The following KCNB2 variants were observed in gnomAD, a reference collection of about 807,000 sequenced individuals.
KCNB2 encodes potassium voltage-gated channel subfamily B member 2.
In KCNB2, 15 loss-of-function variants were observed where a neutral mutation model predicts 61.5. The ratio of observed to expected loss-of-function variants is 0.24; its 90% CI spans 0.16 to 0.38. The LOEUF is 0.38. Among genes scored for constraint, KCNB2 ranks in the 10% least tolerant of loss-of-function variants. The pLI, the probability that KCNB2 is intolerant of heterozygous loss-of-function variation, is 1.00. For missense variants in KCNB2, 828 were observed against 1,125.2 expected, an observed-to-expected ratio of 0.74 and a Z score of 3.78; for synonymous variants, 457 against 446.0, an observed-to-expected ratio of 1.02 and a Z score of -0.31.
intron 2 of KCNB2, among the ~76,000 whole-genome samples, chr8:72,771,042 C>G (rs1041067702): frequency 1.3e-5 from 2 of 152,184 alleles, no homozygotes; most frequent in Admixed American, 1.3e-4. Context: ...AAAAAGCTCC[C>G]AGCTATTGGC....
At chr8:72,619,452 AATCTCTAATTCG>A in intron 2 of KCNB2, 1 of 300,206 alleles carries the variant, frequency 3.3e-6, no homozygotes, top group Non-Finnish European at 6.6e-6. Flanking sequence ...GGTGGTGTAA[AATCTCTAATTCG>A]TAGGTTCACC....
chr8:72,702,167 A>G (rs1807142101), intron 2 of KCNB2, among the ~76,000 whole-genome samples: 1 of 152,214 alleles, frequency 6.6e-6, no homozygotes, highest in African/African-American at 2.4e-5. Flanking sequence ...ATCTTCTCAG[A>G]GGATGCACAT....
intron 2 of KCNB2, among the ~76,000 whole-genome samples, chr8:72,926,023 C>T (rs982086274): frequency 2.6e-5 from 4 of 152,148 alleles, no homozygotes; most frequent in African/African-American, 7.2e-5. Flanking sequence ...CATGTTCTTA[C>T]TTATGAGTAG....
intron 2 of KCNB2, among the ~76,000 whole-genome samples, chr8:72,669,540 C>T (rs911103263): frequency 1.3e-5 from 2 of 152,142 alleles, no homozygotes; most frequent in African/African-American, 4.8e-5. Context: ...ACAGAAACTT[C>T]TCTCAGTTTT....
chr8:72,620,596 GTATTT>G (rs1243396371), intron 2 of KCNB2, among the ~76,000 whole-genome samples: 2 of 152,024 alleles, frequency 1.3e-5, no homozygotes, highest in South Asian at 2.1e-4. Flanking sequence ...TTCCAGTACT[GTATTT>G]TATTTTATTT....
intron 2 of KCNB2, among the ~76,000 whole-genome samples, chr8:72,882,125 C>T (rs879899348): frequency 1.3e-5 from 2 of 152,062 alleles, no homozygotes; most frequent in Non-Finnish European, 2.9e-5. Context: ...GTTATTTAGA[C>T]CCTCAGGGCA....
chr8:72,796,307 G>T (rs1487954589), intron 2 of KCNB2, among the ~76,000 whole-genome samples: 2 of 151,936 alleles, frequency 1.3e-5, no homozygotes, highest in African/African-American at 4.8e-5. Context: ...ATATCTCCCT[G>T]GGTTTTCATC....
chr8:72,633,459 CG>C (rs1317707527), intron 2 of KCNB2, among the ~76,000 whole-genome samples: 3 of 152,160 alleles, frequency 2.0e-5, no homozygotes, highest in African/African-American at 7.2e-5. Context: ...AAGTGCCATT[CG>C]CCATGTAACT....
At chr8:72,815,394 T>A (rs1285219660) in intron 2 of KCNB2, among the ~76,000 whole-genome samples, 3 of 152,184 alleles carry the variant, frequency 2.0e-5, no homozygotes, top group Non-Finnish European at 2.9e-5. Context: ...TAAGTATAAA[T>A]TTTTAAATAT....
rs550247887 is a variant in KCNB2 at position 72,681,516 on chromosome 8, A to G, written c.579+113203A>G. 8.9e-4 allele frequency among the ~76,000 whole-genome samples: 136 copies of G among 152,296 alleles called. 1 individual carries two copies. The highest frequency in any genetic ancestry group is 3.3e-3 in the African/African-American group (136 of 41,574). ...ATGCATAGAGCTGTCACCTCCTAAG[A>G]TAACAATGCCTTCTTCTGGAACACC... On this transcript the variant is annotated intron_variant, in intron 2 of 2. Transcript: ENST00000523207.
intron 2 of KCNB2, among the ~76,000 whole-genome samples, chr8:72,757,494 T>C (rs1326153410): frequency 1.3e-5 from 2 of 151,810 alleles, no homozygotes; most frequent in Non-Finnish European, 2.9e-5. Context: ...GGGAAAGAGA[T>C]TGAAACTCTT....
intron 2 of KCNB2, among the ~76,000 whole-genome samples, chr8:72,761,156 A>G (rs1808372533): frequency 1.3e-5 from 2 of 152,164 alleles, no homozygotes; most frequent in African/African-American, 4.8e-5. Context: ...AGTCTGCAAT[A>G]TCTGACTTAC....
intron 2 of KCNB2, among the ~76,000 whole-genome samples, chr8:72,894,408 G>C (rs967449421): frequency 4.6e-5 from 7 of 152,118 alleles, no homozygotes; most frequent in African/African-American, 1.7e-4. Context: ...AAATGTGAGA[G>C]GAAGCCCTTG....
At chr8:72,625,360 T>C (rs181293024) in intron 2 of KCNB2, among the ~76,000 whole-genome samples, 1 of 152,222 alleles carries the variant, frequency 6.6e-6, no homozygotes, top group Non-Finnish European at 1.5e-5. Flanking sequence ...ATCTCAATTA[T>C]AATTTCAAAG....
intron 2 of KCNB2, among the ~76,000 whole-genome samples, chr8:72,667,133 G>T (rs1459150726): frequency 6.6e-6 from 1 of 152,088 alleles, no homozygotes; most frequent in African/African-American, 2.4e-5. Flanking sequence ...TAAAAAGCAG[G>T]GATAATGATA....
intron 2 of KCNB2, among the ~76,000 whole-genome samples, chr8:72,774,039 T>A (rs2255494): frequency 1.8e-4 from 27 of 151,884 alleles, no homozygotes; most frequent in Non-Finnish European, 3.7e-4. Context: ...TATATGCTAC[T>A]GGACCAAGGG....
intron 2 of KCNB2, among the ~76,000 whole-genome samples, chr8:72,616,944 A>T (rs1166231070): frequency 6.6e-6 from 1 of 152,182 alleles, no homozygotes; most frequent in South Asian, 2.1e-4. Context: ...CGGCTCTTAC[A>T]CATTGCTTAA....
At chr8:72,850,522 C>A (rs1487880357) in intron 2 of KCNB2, among the ~76,000 whole-genome samples, 1 of 152,108 alleles carries the variant, frequency 6.6e-6, no homozygotes, top group Non-Finnish European at 1.5e-5. Context: ...CACCCAGCCA[C>A]CATTTACGTT....
chr8:72,599,693 C>T (rs1361878816), intron 2 of KCNB2, among the ~76,000 whole-genome samples: 2 of 152,104 alleles, frequency 1.3e-5, no homozygotes, highest in African/African-American at 4.8e-5. Context: ...TTGCAACCTC[C>T]TCATCAGACA....
Sources: allele counts gnomAD v4.1 joint callset (sites outside exome capture counted in the v4.1 genomes callset), GRCh38; gene constraint gnomAD v4.1.1; transcripts MANE v1.5; gene names NCBI Gene and HGNC (gene_info 2026-07-23, HGNC 2026-07-21).